Variants in PIR observed in about 807,000 individuals in gnomAD.
The protein encoded by PIR is pirin.
Under a neutral mutation model 24.2 loss-of-function variants are expected in PIR, and 22 were observed. That is an observed-to-expected ratio of 0.91 (90% CI 0.65 to 1.30). The LOEUF is 1.30. PIR is among the 50% of genes most tolerant of loss of function. The pLI is 0.00. For synonymous variants in PIR, 80 were observed against 79.6 expected (o/e 1.00, Z -0.03); for missense variants, 220 against 220.3 (o/e 1.00, Z 0.01).
chrX:15,453,265 T>C (rs971078927), intron 5 of PIR, among the ~76,000 whole-genome samples: 3 of 112,379 alleles, frequency 2.7e-5, no homozygotes, highest in African/African-American at 9.7e-5. Flanking sequence ...GCCCAGCTCC[T>C]GTTCAAGTTA....
chrX:15,402,126 C>T (rs1034153291), intron 7 of PIR, among the ~76,000 whole-genome samples: 1 of 111,569 alleles, frequency 9.0e-6, no homozygotes, highest in African/African-American at 3.3e-5. Flanking sequence ...CCAGCCTAGG[C>T]AACATAGGGA....
intron 3 of PIR, among the ~76,000 whole-genome samples, chrX:15,460,635 G>T (rs775416411): frequency 5.7e-4 from 64 of 111,470 alleles, no homozygotes; most frequent in African/African-American, 2.0e-3. Context: ...CTAAAGCACA[G>T]CATAGTGACT....
At chrX:15,400,430 G>T (rs932347203) in intron 7 of PIR, among the ~76,000 whole-genome samples, 1 of 111,745 alleles carries the variant, frequency 8.9e-6, no homozygotes, top group Non-Finnish European at 1.9e-5. Flanking sequence ...AGGATGTTTC[G>T]TGATACATAT....
intron 5 of PIR, among the ~76,000 whole-genome samples, chrX:15,443,528 AT>A (rs922474449): frequency 8.9e-6 from 1 of 111,764 alleles, no homozygotes; most frequent in African/African-American, 3.3e-5. Flanking sequence ...TTTAATTGAT[AT>A]TAATCATCAT....
At chrX:15,414,584 T>C (rs1435840588) in intron 6 of PIR, among the ~76,000 whole-genome samples, 1 of 112,473 alleles carries the variant, frequency 8.9e-6, no homozygotes. Flanking sequence ...AAGGATTAAA[T>C]ACATGTTCAA....
intron 2 of PIR, among the ~76,000 whole-genome samples, chrX:15,484,448 G>A (rs1233943120): frequency 9.4e-6 from 1 of 106,647 alleles, no homozygotes; most frequent in Non-Finnish European, 1.9e-5. Context: ...CCAAGTAGCT[G>A]GGACTACAGG....
At chrX:15,440,973 A>C (rs1925896513) in intron 5 of PIR, among the ~76,000 whole-genome samples, 1 of 111,813 alleles carries the variant, frequency 8.9e-6, no homozygotes, top group Non-Finnish European at 1.9e-5. Flanking sequence ...TTGTGCAATA[A>C]AATTTCATGG....
chrX:15,407,297 T>C (rs1924578484), intron 7 of PIR, among the ~76,000 whole-genome samples: 1 of 111,995 alleles, frequency 8.9e-6, no homozygotes, highest in African/African-American at 3.3e-5. Context: ...TCATGACTGG[T>C]GTTCATATTC....
chrX:15,491,940 C>A (rs768262368), intron 1 of PIR, among the ~76,000 whole-genome samples: 1 of 110,520 alleles, frequency 9.0e-6, no homozygotes, highest in East Asian at 2.9e-4. Flanking sequence ...TTAAGTGAAG[C>A]ATGACTTTAG....
rs374143293 is a variant in PIR at position 15,425,891 on chromosome X, C to T, written c.565+15G>A. On this transcript the variant is annotated intron_variant, in intron 6 of 9. Coordinates refer to ENST00000380420, the MANE Select transcript of PIR (RefSeq NM_001018109.3). Reference sequence around the variant, plus strand: ...TTTTCCTGACGTGACTACTAAACCCCAGAACCCATCATACCTTTAGGGATA... The same window carrying T: ...TTTTCCTGACGTGACTACTAAACCCTAGAACCCATCATACCTTTAGGGATA... 38 of 1,039,188 alleles carry T rather than the reference C, an allele frequency of 3.7e-5. 1 individual carries two copies. In the East Asian group the frequency reaches 9.4e-4, roughly 26 times the overall value. 85.6% of individuals were successfully genotyped at this position (1,039,188 alleles called of 1,213,427 possible). A position where few individuals can be genotyped will look rare whatever the true frequency, so the allele number is the denominator to read the frequency against.
intron 8 of PIR, among the ~76,000 whole-genome samples, chrX:15,396,058 G>A (rs1187269858): frequency 2.7e-5 from 3 of 112,064 alleles, no homozygotes; most frequent in African/African-American, 9.7e-5. Context: ...ATTATAGGAA[G>A]AACTGAGGTT....
chrX:15,470,596 CTTTCTT>C (rs1286453633), intron 3 of PIR, among the ~76,000 whole-genome samples: 63 of 77,666 alleles, frequency 8.1e-4, no homozygotes, highest in Non-Finnish European at 1.1e-3. Context: ...TTCTTTCTTT[CTTTCTT>C]TTTTTTTTTT....
At chrX:15,483,428 T>C (rs1922622141) in intron 2 of PIR, among the ~76,000 whole-genome samples, 1 of 111,382 alleles carries the variant, frequency 9.0e-6, no homozygotes, top group Non-Finnish European at 1.9e-5. Flanking sequence ...TGTATATATC[T>C]GTCTCCCATG....
chrX:15,459,862 G>T, intron 3 of PIR, 122 bp from the exon 4 acceptor site: 1 of 339,728 alleles, frequency 2.9e-6, no homozygotes, highest in Non-Finnish European at 5.3e-6. Context: ...ATCCCTTATT[G>T]GATAATATGG....
chrX:15,471,226 C>G (rs1447397622), intron 3 of PIR, among the ~76,000 whole-genome samples: 1 of 111,043 alleles, frequency 9.0e-6, no homozygotes, highest in Non-Finnish European at 1.9e-5. Context: ...AGTTGTGACA[C>G]TCAGAAATGA....
At chrX:15,438,861 T>C (rs932807804) in intron 5 of PIR, among the ~76,000 whole-genome samples, 1 of 111,301 alleles carries the variant, frequency 9.0e-6, no homozygotes, top group Non-Finnish European at 1.9e-5. Flanking sequence ...ATCCAAGCCA[T>C]AGAATGGGAC....
chrX:15,400,386 C>G (rs1476076707), intron 7 of PIR, among the ~76,000 whole-genome samples: 1 of 111,936 alleles, frequency 8.9e-6, no homozygotes, highest in East Asian at 2.8e-4. Flanking sequence ...CCATTACCCA[C>G]GTGGTCCACT....
chrX:15,488,690 G>A (rs1923001263), intron 2 of PIR, among the ~76,000 whole-genome samples: 1 of 111,826 alleles, frequency 8.9e-6, no homozygotes, highest in African/African-American at 3.3e-5. Context: ...AAACCAGGCT[G>A]ATGGGATTAG....
At chrX:15,459,596 G>A in intron 4 of PIR, 61 bp downstream of exon 4, 1 of 646,074 alleles carries the variant, frequency 1.5e-6, no homozygotes, top group South Asian at 2.2e-5. Context: ...AAGTGGGCAG[G>A]ATCAAGCACG....
Sources: allele counts gnomAD v4.1 joint callset (sites outside exome capture counted in the v4.1 genomes callset), GRCh38; gene constraint gnomAD v4.1.1; transcripts MANE v1.5; gene names NCBI Gene and HGNC (gene_info 2026-07-23, HGNC 2026-07-21).